ZNF423: variants seen among roughly 807,000 people sequenced by gnomAD.
The protein encoded by ZNF423 is zinc finger protein 423.
ZNF423 carries 12 observed loss-of-function variants against 95.8 expected under a neutral mutation model. The ratio of observed to expected loss-of-function variants is 0.13; its 90% CI spans 0.08 to 0.20. The LOEUF (loss-of-function observed/expected upper bound fraction) is 0.20. Ranked by LOEUF, ZNF423 falls within the 10% of genes least tolerant of loss-of-function variation. ZNF423 has a pLI of 1.00. For missense variants in ZNF423, 1,316 were observed against 1,737.1 expected (o/e 0.76, Z 4.31); for synonymous variants, 749 against 711.9 (o/e 1.05, Z -0.83).
chr16:49,831,471 C>T (rs933056878), intron 1 of ZNF423, among the ~76,000 whole-genome samples: 3 of 152,042 alleles, frequency 2.0e-5, no homozygotes, highest in East Asian at 1.9e-4. Flanking sequence ...GACCTTGGGC[C>T]GCAGAGCCTC....
rs796834568 is a variant in ZNF423, at chr16:49,492,472, A to AGGCCGGGGCCGGGGCCGG, written c.3850-1186_3850-1169dup. Reference sequence around the variant, plus strand: ...TGCCAGTAGCCTCGCCCGGAGGCCGAGGCCGGGGCCGGGGCCGGGGCCGGG... The same window carrying AGGCCGGGGCCGGGGCCGG: ...TGCCAGTAGCCTCGCCCGGAGGCCGAGGCCGGGGCCGGGGCCGGGGCCGGGGCCGGGGCCGGGGCCGGG... On this transcript the variant is annotated intron_variant, in intron 7 of 7. Transcript: ENST00000563137. The surrounding 1 kb of genome is among the most constrained non-coding windows in gnomAD (Gnocchi z 4.2). Among the ~76,000 whole-genome samples, 3 of 151,986 alleles carry AGGCCGGGGCCGGGGCCGG rather than the reference A, an allele frequency of 2.0e-5. No homozygotes were observed. The highest frequency in any genetic ancestry group is 7.3e-5 in the African/African-American group (3 of 41,374).
At chr16:49,832,480 T>C (rs1463896566) in intron 1 of ZNF423, among the ~76,000 whole-genome samples, 3 of 151,598 alleles carry the variant, frequency 2.0e-5, no homozygotes, top group Admixed American at 6.6e-5. Context: ...TCAGGAGAGC[T>C]TGAACTCACA....
chr16:49,667,877 C>A (rs548537641), intron 3 of ZNF423, among the ~76,000 whole-genome samples: 4 of 152,204 alleles, frequency 2.6e-5, no homozygotes, highest in South Asian at 4.2e-4. Context: ...CAGAGTGAGA[C>A]CCTGTCTCAA....
intron 7 of ZNF423, among the ~76,000 whole-genome samples, chr16:49,500,658 G>A (rs987346482): frequency 2.0e-5 from 3 of 152,070 alleles, no homozygotes; most frequent in East Asian, 1.9e-4. Flanking sequence ...GCTCATGCCC[G>A]GAATCCCAGC....
chr16:49,523,047 CCT>C (rs1968462916), intron 7 of ZNF423, among the ~76,000 whole-genome samples: 1 of 152,156 alleles, frequency 6.6e-6, no homozygotes, highest in African/African-American at 2.4e-5. Flanking sequence ...TTCCCAAGGT[CCT>C]CTCAGTTACC....
chr16:49,792,129 T>C (rs2034426540), intron 1 of ZNF423, among the ~76,000 whole-genome samples: 1 of 152,102 alleles, frequency 6.6e-6, no homozygotes, highest in South Asian at 2.1e-4. Flanking sequence ...TTTCTTTTAT[T>C]GATTTAGTCA....
intron 3 of ZNF423, among the ~76,000 whole-genome samples, chr16:49,641,938 C>G (rs1431821350): frequency 4.6e-5 from 7 of 152,186 alleles, no homozygotes; most frequent in Non-Finnish European, 8.8e-5. Context: ...GACTGCACAG[C>G]TCTGTAAACT....
rs574296353 is a variant in ZNF423 at position 49,635,551 on chromosome 16, G to C, written c.3516+109C>G. The C allele has an allele frequency of 4.2e-6, 6 of 1,419,066 alleles. No individual in the cohort carries two copies. In the South Asian group the frequency reaches 4.6e-5, roughly 11 times the overall value. 87.9% of individuals were successfully genotyped at this position (1,419,066 alleles called of 1,614,324 possible). Reference sequence around the variant, plus strand: ...CAGCAGTTCTGTTTTGCCACTGCGCGATAGCGCCGCTTCTTGGAAACACGG... The same window carrying C: ...CAGCAGTTCTGTTTTGCCACTGCGCCATAGCGCCGCTTCTTGGAAACACGG... On this transcript the variant is annotated intron_variant, in intron 4 of 7. Coordinates refer to ENST00000563137, the MANE Select transcript of ZNF423 (RefSeq NM_001379286.1). This position sits in a 1 kb window ranked among gnomAD's most constrained non-coding sequence, Gnocchi z 4.8.
Position 49,635,690 on chromosome 16 carries a change from C to A in ZNF423, c.3486G>T (p.Arg1162=), listed in dbSNP as rs760891004. The A allele has an allele frequency of 1.3e-6, 2 of 1,590,682 alleles. No homozygotes were observed. Among genetic ancestry groups the A allele is most frequent in the Non-Finnish European group, 1.7e-6 (2 of 1,170,464 alleles). Residue 1162 remains arginine, a synonymous_variant, in exon 4 of 8, where the codon CGG becomes CGT. Coordinates refer to ENST00000563137, the MANE Select transcript of ZNF423 (RefSeq NM_001379286.1). This position sits in a 1 kb window ranked among gnomAD's most constrained non-coding sequence, Gnocchi z 4.8. ...RDLTPETSGP[R]KGTQTSPVPR... Reference sequence around the variant, plus strand: ...GCACTGGCGATGTCTGGGTGCCTTTCCGGGGCCCACTGGTCTCCGGCGTGA... The same window carrying A: ...GCACTGGCGATGTCTGGGTGCCTTTACGGGGCCCACTGGTCTCCGGCGTGA...
At chr16:49,646,168 A>G (rs1567529916) in intron 3 of ZNF423, among the ~76,000 whole-genome samples, 1 of 152,242 alleles carries the variant, frequency 6.6e-6, no homozygotes, top group Non-Finnish European at 1.5e-5. Context: ...AGAGCCAGTC[A>G]GTGTTTCCTA....
At chr16:49,795,692 C>T (rs1256127330) in intron 1 of ZNF423, among the ~76,000 whole-genome samples, 1 of 152,160 alleles carries the variant, frequency 6.6e-6, no homozygotes, top group African/African-American at 2.4e-5. Flanking sequence ...GAGGGGGCTA[C>T]ACAGGGAGGT....
chr16:49,498,118 C>T (rs1271311504), intron 7 of ZNF423, among the ~76,000 whole-genome samples: 1 of 152,198 alleles, frequency 6.6e-6, no homozygotes, highest in Non-Finnish European at 1.5e-5. Flanking sequence ...CGATCATGAT[C>T]GCTGCTAACA....
chr16:49,642,050 A>G (rs1972991448), intron 3 of ZNF423, among the ~76,000 whole-genome samples: 1 of 152,266 alleles, frequency 6.6e-6, no homozygotes, highest in African/African-American at 2.4e-5. Flanking sequence ...TTTTGCCAAT[A>G]ATAAGAATTA....
At chr16:49,695,457 C>A (rs536772663) in intron 3 of ZNF423, among the ~76,000 whole-genome samples, 18 of 152,244 alleles carry the variant, frequency 1.2e-4, no homozygotes, top group African/African-American at 4.1e-4. Context: ...CCAAGCCCGG[C>A]TAATTTTGTA....
chr16:49,731,841 C>A (rs2033176823), intron 2 of ZNF423, among the ~76,000 whole-genome samples: 1 of 152,044 alleles, frequency 6.6e-6, no homozygotes, highest in East Asian at 1.9e-4. Context: ...TCACCTGTGA[C>A]CTGGTACAGG....
chr16:49,498,754 G>A (rs1279376766), intron 7 of ZNF423, among the ~76,000 whole-genome samples: 2 of 152,092 alleles, frequency 1.3e-5, no homozygotes, highest in African/African-American at 4.8e-5. Flanking sequence ...CCTATCTGCT[G>A]TGTATCACCT....
At chr16:49,734,234 C>A (rs1442924733) in intron 2 of ZNF423, among the ~76,000 whole-genome samples, 1 of 152,216 alleles carries the variant, frequency 6.6e-6, no homozygotes, top group African/African-American at 2.4e-5. Context: ...TCCTTCAACC[C>A]AGCTCCGCCT....
chr16:49,691,358 C>T (rs762233901), intron 3 of ZNF423, among the ~76,000 whole-genome samples: 27 of 152,338 alleles, frequency 1.8e-4, no homozygotes, highest in Non-Finnish European at 3.7e-4. Context: ...GGTTTGCCTC[C>T]AAGCTCCAAC....
At chr16:49,598,769 T>C (rs1971262329) in intron 5 of ZNF423, among the ~76,000 whole-genome samples, 1 of 152,234 alleles carries the variant, frequency 6.6e-6, no homozygotes. Context: ...TTTGGAAATA[T>C]CCAGGGAAAA....
Sources: gnomAD v4.1 joint callset for allele counts (sites outside exome capture counted in the v4.1 genomes callset) on GRCh38, gnomAD v4.1.1 for gene constraint, Gnocchi (gnomAD v3.1) non-coding constraint, MANE v1.5 for transcripts, NCBI Gene and HGNC (gene_info 2026-07-23, HGNC 2026-07-21) for gene names.